The following GNA12 variants were observed in gnomAD, a reference collection of about 807,000 sequenced individuals.
The protein encoded by GNA12 is guanine nucleotide-binding protein subunit alpha-12.
GNA12 carries 9 observed loss-of-function variants against 26.0 expected under a neutral mutation model. The observed-to-expected ratio is 0.35, with a 90% confidence interval of 0.21 to 0.60. GNA12 has a LOEUF of 0.60. GNA12 is among the 20% of genes least tolerant of loss of function. The probability of loss-of-function intolerance (pLI) is 0.78; values close to 1 mark genes in which losing one functional copy is unlikely to be tolerated. For missense variants in GNA12, 405 were observed against 525.8 expected (o/e 0.77, Z 2.25); for synonymous variants, 264 against 219.6 (o/e 1.20, Z -1.79).
At chr7:2,801,637 G>A (rs1249976979) in intron 1 of GNA12, among the ~76,000 whole-genome samples, 1 of 151,942 alleles carries the variant, frequency 6.6e-6, no homozygotes, top group Non-Finnish European at 1.5e-5. Context: ...GCTTTGAACA[G>A]TTAAGTAGTA....
intron 1 of GNA12, 142 bp from the exon 2 acceptor site, chr7:2,795,285 T>G: frequency 1.5e-6 from 1 of 670,368 alleles, no homozygotes; most frequent in Non-Finnish European, 2.6e-6. Flanking sequence ...TGTCTCTTGG[T>G]TTGTTTGTTG....
chr7:2,731,750 T>G lies in GNA12; in HGVS notation c.577A>C (p.Asn193His), dbSNP rs764178346. 4.0e-6 allele frequency: 6 copies of G among 1,497,772 alleles called. No individual in the cohort carries two copies. In the South Asian group the frequency reaches 6.7e-5, roughly 17 times the overall value. The allele number at this position is 1,497,772 out of a possible 1,614,324, so 92.8% of individuals were successfully genotyped here. The change falls in exon 4 of 4, where the codon AAT becomes CAT. Residue 193 changes from asparagine to histidine, a missense_variant and splice_region_variant. Asn to His is a moderately conservative substitution (Grantham distance 68). Transcript: ENST00000275364. The surrounding 1 kb of genome is among the most constrained non-coding windows in gnomAD (Gnocchi z 6.0). ...ATATCTTGCTTACTAGGAAAGTAAT[T>G]CTGTAAAATACAGGATGAGGCAGAA... Reference protein sequence around the residue: ...LDNLDRIGQLNYFPSKQDILL... With the variant: ...LDNLDRIGQLHYFPSKQDILL...
At chr7:2,810,562 C>A (rs1172850089) in intron 1 of GNA12, among the ~76,000 whole-genome samples, 2 of 151,870 alleles carry the variant, frequency 1.3e-5, no homozygotes, top group Non-Finnish European at 2.9e-5. Context: ...TTTTTTTTTA[C>A]AGTTGGATTC....
intron 1 of GNA12, among the ~76,000 whole-genome samples, chr7:2,834,968 T>A (rs776134668): frequency 6.6e-6 from 1 of 151,550 alleles, no homozygotes; most frequent in East Asian, 1.9e-4. Context: ...TCGCGATGCA[T>A]GACTATACAT....
At chr7:2,787,493 T>C (rs1018885255) in intron 2 of GNA12, among the ~76,000 whole-genome samples, 1 of 152,176 alleles carries the variant, frequency 6.6e-6, no homozygotes, top group African/African-American at 2.4e-5. Context: ...TGCTCCCGCC[T>C]AGGGGCCTCT....
At chr7:2,794,677 C>T in intron 2 of GNA12, 1 of 524,370 alleles carries the variant, frequency 1.9e-6, no homozygotes, top group Non-Finnish European at 3.4e-6. Context: ...GCTGATGATT[C>T]TAAGAACCCT....
chr7:2,753,319 A>C (rs569990839), intron 2 of GNA12, among the ~76,000 whole-genome samples: 25 of 152,112 alleles, frequency 1.6e-4, no homozygotes, highest in Admixed American at 5.2e-4. Flanking sequence ...ACGATTGGCT[A>C]ATTTTATTTT....
intron 2 of GNA12, among the ~76,000 whole-genome samples, chr7:2,745,116 C>T (rs1790703343): frequency 6.6e-6 from 1 of 152,238 alleles, no homozygotes; most frequent in African/African-American, 2.4e-5. Flanking sequence ...TCCAGGAAAA[C>T]TTCCCCAATC....
intron 2 of GNA12, among the ~76,000 whole-genome samples, chr7:2,786,485 T>C (rs901479315): frequency 6.6e-6 from 1 of 152,034 alleles, no homozygotes; most frequent in African/African-American, 2.4e-5. Context: ...AAAGAACCAA[T>C]GATTATGAAA....
chr7:2,778,234 C>G (rs78895915), intron 2 of GNA12, among the ~76,000 whole-genome samples: 3,572 of 152,302 alleles, frequency 0.023, 104 homozygotes, highest in Middle Eastern at 0.075. Context: ...GTCATAACAA[C>G]TTAATAAATC....
intron 2 of GNA12, among the ~76,000 whole-genome samples, chr7:2,794,120 A>G (rs1792589221): frequency 1.3e-5 from 2 of 152,166 alleles, no homozygotes; most frequent in African/African-American, 4.8e-5. Context: ...AATGACTTAT[A>G]TGAAGGTTAA....
chr7:2,814,794 T>C, intron 1 of GNA12: 4 of 1,316,878 alleles, frequency 3.0e-6, no homozygotes, highest in South Asian at 2.5e-5. Flanking sequence ...TTCCCTGACC[T>C]GCCCCGCACT....
intron 2 of GNA12, among the ~76,000 whole-genome samples, chr7:2,758,041 T>C (rs1791385871): frequency 1.3e-5 from 2 of 152,180 alleles, no homozygotes; most frequent in South Asian, 4.1e-4. Context: ...AACCTCTTGC[T>C]TGGGGATGAG....
intron 2 of GNA12, among the ~76,000 whole-genome samples, chr7:2,741,604 A>G (rs1394608262): frequency 1.3e-5 from 2 of 152,168 alleles, no homozygotes; most frequent in East Asian, 3.8e-4. Context: ...AAGTTGCAAG[A>G]ATAGTACAAA....
chr7:2,757,911 C>T (rs551421415), intron 2 of GNA12, among the ~76,000 whole-genome samples: 99 of 152,288 alleles, frequency 6.5e-4, no homozygotes, highest in Non-Finnish European at 1.0e-3. Flanking sequence ...TCTCTGACTC[C>T]TGTTCGCTGT....
chr7:2,796,202 A>T (rs1216635788), intron 1 of GNA12, among the ~76,000 whole-genome samples: 1 of 152,182 alleles, frequency 6.6e-6, no homozygotes, highest in Non-Finnish European at 1.5e-5. Flanking sequence ...CAAGACCCTC[A>T]GTGGATGTCT....
chr7:2,738,693 C>T (rs768401146), intron 2 of GNA12, among the ~76,000 whole-genome samples: 5 of 151,964 alleles, frequency 3.3e-5, no homozygotes, highest in Non-Finnish European at 5.9e-5. Flanking sequence ...TGGAACCATG[C>T]TAACATCTTC....
chr7:2,777,162 A>G (rs1792098746), intron 2 of GNA12, among the ~76,000 whole-genome samples: 1 of 152,202 alleles, frequency 6.6e-6, no homozygotes, highest in African/African-American at 2.4e-5. Flanking sequence ...TGCTGCCTGC[A>G]ATCCAGACCA....
chr7:2,791,886 G>A (rs1166875047), intron 2 of GNA12, among the ~76,000 whole-genome samples: 3 of 152,090 alleles, frequency 2.0e-5, no homozygotes, highest in Non-Finnish European at 4.4e-5. Context: ...AAAAAGAAGG[G>A]CAAATGTATA....
Sources: gnomAD v4.1 joint callset for allele counts (sites outside exome capture counted in the v4.1 genomes callset) on GRCh38, gnomAD v4.1.1 for gene constraint, Gnocchi (gnomAD v3.1) non-coding constraint, MANE v1.5 for transcripts, NCBI Gene and HGNC (gene_info 2026-07-23, HGNC 2026-07-21) for gene names.